The following RPH3A variants were observed in gnomAD, a reference collection of about 807,000 sequenced individuals.
RPH3A encodes the protein rabphilin 3A.
In RPH3A, 48 loss-of-function variants were observed where a neutral mutation model predicts 102.2. The observed-to-expected ratio is 0.47, with a 90% CI of 0.37 to 0.60. RPH3A has a LOEUF of 0.60. Ranked by LOEUF, RPH3A falls within the 20% of genes least tolerant of loss-of-function variation. The pLI, the probability that RPH3A is intolerant of heterozygous loss-of-function variation, is 0.00. For synonymous variants in RPH3A, 310 were observed against 324.3 expected (o/e 0.96, Z 0.47); for missense variants, 781 against 910.1 (o/e 0.86, Z 1.83).
intron 3 of RPH3A, 54 bp downstream of exon 3, chr12:112,828,443 A>G (rs1049365088): frequency 1.6e-6 from 2 of 1,279,510 alleles, no homozygotes; most frequent in African/African-American, 1.5e-5. Flanking sequence ...TGAGGTTTTG[A>G]CAATTCTACA....
intron 1 of RPH3A, among the ~76,000 whole-genome samples, chr12:112,715,573 C>T (rs777068419): frequency 6.6e-6 from 1 of 152,098 alleles, no homozygotes; most frequent in Non-Finnish European, 1.5e-5. Flanking sequence ...ATATTATTTG[C>T]ATTATGTGAA....
intron 17 of RPH3A, 69 bp from the exon 18 acceptor site, chr12:112,889,946 AGGGGTTTCT>A (rs2043063861): frequency 1.0e-5 from 13 of 1,298,608 alleles, no homozygotes; most frequent in Non-Finnish European, 1.4e-5. Context: ...TGGAAGTATG[AGGGGTTTCT>A]GGTCCTTCTT....
At chr12:112,860,882 C>T (rs1027066482) in intron 5 of RPH3A, among the ~76,000 whole-genome samples, 2 of 152,202 alleles carry the variant, frequency 1.3e-5, no homozygotes, top group African/African-American at 4.8e-5. Context: ...TGTCCCCATG[C>T]AACTGCCATC....
chr12:112,725,147 G>C (rs1437976382), intron 1 of RPH3A, among the ~76,000 whole-genome samples: 2 of 151,196 alleles, frequency 1.3e-5, no homozygotes, highest in Non-Finnish European at 2.9e-5. Flanking sequence ...TACTTGGGAG[G>C]CTGAGGCGGG....
At chr12:112,688,768 G>A (rs936348166) in intron 1 of RPH3A, among the ~76,000 whole-genome samples, 1 of 152,180 alleles carries the variant, frequency 6.6e-6, no homozygotes, top group Non-Finnish European at 1.5e-5. Flanking sequence ...TAGGAGGTAT[G>A]TCAAAGAATT....
At chr12:112,706,916 G>A (rs11066386) in intron 1 of RPH3A, among the ~76,000 whole-genome samples, 2,203 of 152,236 alleles carry the variant, frequency 0.014, 57 homozygotes, top group African/African-American at 0.05. Flanking sequence ...GTAGTCTGAC[G>A]AGTCCCTTGA....
At chr12:112,742,380 G>A (rs531316161) in intron 1 of RPH3A, among the ~76,000 whole-genome samples, 1 of 152,134 alleles carries the variant, frequency 6.6e-6, no homozygotes, top group Non-Finnish European at 1.5e-5. Flanking sequence ...CAGGAGCCAC[G>A]GCACCGAGAC....
At chr12:112,724,842 G>T (rs1592964561) in intron 1 of RPH3A, among the ~76,000 whole-genome samples, 1 of 152,104 alleles carries the variant, frequency 6.6e-6, no homozygotes, top group South Asian at 2.1e-4. Context: ...GGTGACACAC[G>T]CCTGTAGTCC....
chr12:112,642,167 T>G (rs925044611), intron 1 of RPH3A, among the ~76,000 whole-genome samples: 3 of 152,170 alleles, frequency 2.0e-5, no homozygotes, highest in African/African-American at 4.8e-5. Context: ...AATCCCTGCA[T>G]ATGTAATTCC....
At chr12:112,863,670 G>A (rs2042559565) in intron 5 of RPH3A, among the ~76,000 whole-genome samples, 2 of 152,204 alleles carry the variant, frequency 1.3e-5, no homozygotes, top group South Asian at 2.1e-4. Context: ...CCTTGGGTAA[G>A]TCATTTAACT....
chr12:112,652,287 G>C (rs1179412147), intron 1 of RPH3A, among the ~76,000 whole-genome samples: 1 of 151,812 alleles, frequency 6.6e-6, no homozygotes, highest in East Asian at 1.9e-4. Flanking sequence ...ACCAGCCTGG[G>C]CAACATAGTG....
intron 16 of RPH3A, among the ~76,000 whole-genome samples, chr12:112,883,980 T>G (rs1030489431): frequency 1.2e-4 from 18 of 152,196 alleles, no homozygotes; most frequent in Admixed American, 3.9e-4. Context: ...AGTAGCTGTT[T>G]CTAGGTGCAC....
chr12:112,756,474 A>G (rs1169093679), intron 1 of RPH3A, among the ~76,000 whole-genome samples: 2 of 151,890 alleles, frequency 1.3e-5, no homozygotes, highest in Non-Finnish European at 2.9e-5. Context: ...GGCCTCCCAA[A>G]GTGCTGGGAT....
chr12:112,868,893 A>G lies in RPH3A; in HGVS notation c.610+298A>G, dbSNP rs187856738. ...AAATTAGGAACTGAGAGAGACTTTC[A>G]CCACCAAGATCACACTGGAGCCTGG... On this transcript the variant is annotated intron_variant, in intron 8 of 21. Transcript: ENST00000389385. 17 of 273,120 alleles carry G rather than the reference A, an allele frequency of 6.2e-5. No homozygotes were observed. In the East Asian group the frequency reaches 1.1e-3, roughly 18 times the overall value. 16.9% of individuals were successfully genotyped at this position (273,120 alleles called of 1,614,324 possible).
intron 2 of RPH3A, among the ~76,000 whole-genome samples, chr12:112,812,906 A>G (rs2041604895): frequency 6.6e-6 from 1 of 152,254 alleles, no homozygotes; most frequent in Non-Finnish European, 1.5e-5. Flanking sequence ...ACAGTAGGTG[A>G]TAACTACATT....
chr12:112,887,250 C>T (rs919853425), intron 16 of RPH3A, among the ~76,000 whole-genome samples: 8 of 152,198 alleles, frequency 5.3e-5, no homozygotes, highest in Non-Finnish European at 1.2e-4. Flanking sequence ...TAGAAACAAC[C>T]TGTATCAACA....
intron 7 of RPH3A, among the ~76,000 whole-genome samples, chr12:112,867,379 A>C: frequency 1.3e-5 from 2 of 150,280 alleles, no homozygotes; most frequent in African/African-American, 2.5e-5. Flanking sequence ...CCTTCTCCCA[A>C]TTTTTTCATC....
chr12:112,713,023 C>CTTCTTCTTCTTCT (rs2040485409), intron 1 of RPH3A, among the ~76,000 whole-genome samples: 3 of 52,802 alleles, frequency 5.7e-5, no homozygotes, highest in African/African-American at 3.3e-4. Context: ...CTTCCTCTTC[C>CTTCTTCTTCTTCT]TCTTCTTCTT....
chr12:112,700,664 T>C (rs936115564), intron 1 of RPH3A, among the ~76,000 whole-genome samples: 32 of 152,214 alleles, frequency 2.1e-4, no homozygotes, highest in African/African-American at 7.5e-4. Flanking sequence ...TACTTTTGCA[T>C]TTGACATGAT....
Sources: allele counts gnomAD v4.1 joint callset (sites outside exome capture counted in the v4.1 genomes callset), GRCh38; gene constraint gnomAD v4.1.1; transcripts MANE v1.5; gene names NCBI Gene and HGNC (gene_info 2026-07-23, HGNC 2026-07-21).